Variants in IGSF9 observed in about 807,000 individuals in gnomAD.
IGSF9 encodes immunoglobulin superfamily member 9.
A neutral mutation model predicts 121.7 loss-of-function variants in IGSF9; 87 were observed. That is an observed-to-expected ratio of 0.71 (90% CI 0.60 to 0.85). IGSF9 has a LOEUF of 0.85. Ranked by LOEUF, IGSF9 falls within the 40% of genes least tolerant of loss-of-function variation. The probability of loss-of-function intolerance (pLI) is 0.00; values close to 1 mark genes in which losing one functional copy is unlikely to be tolerated. For missense variants in IGSF9, 1,462 were observed against 1,565.3 expected (o/e 0.93, Z 1.11); for synonymous variants, 640 against 648.4 (o/e 0.99, Z 0.20).
chr1:159,936,318 T>G (rs1346888762), intron 6 of IGSF9, 81 bp downstream of exon 6: 9 of 1,250,210 alleles, frequency 7.2e-6, no homozygotes, highest in Non-Finnish European at 9.3e-6. Context: ...CCCTCCTATC[T>G]TGCTGTGAAC....
intron 3 of IGSF9, among the ~76,000 whole-genome samples, chr1:159,939,304 T>G (rs1032234887): frequency 2.0e-5 from 3 of 152,194 alleles, no homozygotes; most frequent in African/African-American, 7.2e-5. Flanking sequence ...TGTAGCTCAC[T>G]GCAGCCTCGA....
At position 159,929,375 on chromosome 1, in the gene IGSF9, G is replaced by A; in HGVS notation, c.2345C>T (p.Ser782Phe). 1 of 1,614,182 alleles carries A rather than the reference G, an allele frequency of 6.2e-7. No individual in the cohort carries two copies. The highest frequency in any genetic ancestry group is 8.5e-7 in the Non-Finnish European group (1 of 1,180,024). Residue 782 changes from serine (S) to phenylalanine (F), a missense_variant, in exon 18 of 21, where the codon TCT becomes TTT. Around this residue, in one of 3 missense-constraint regions of IGSF9, gnomAD observed 808 missense variants for 815.2 expected, o/e 0.99. Coordinates refer to ENST00000368094, the MANE Select transcript of IGSF9 (RefSeq NM_001135050.2). ...RLRQDPPLIF[S>F]PTGKSAAPSA... ...CGGTGCAGCTGACTTCCCGGTCGGAGAGAAGATAAGAGGTGGATCTGGAAG... is the reference window on the plus strand; with the variant it reads ...CGGTGCAGCTGACTTCCCGGTCGGAAAGAAGATAAGAGGTGGATCTGGAAG...
Position 159,936,251 on chromosome 1 carries a change from C to T in IGSF9, c.673+148G>A, listed in dbSNP as rs114747610. ...AATTAAGGTGCTGGTTTCAGAGCAA[C>T]AGCCTGCATTGGGAACCCCCTTAGC... On this transcript the variant is annotated intron_variant, in intron 6 of 20. Coordinates refer to ENST00000368094, the MANE Select transcript of IGSF9 (RefSeq NM_001135050.2). The T allele has an allele frequency of 7.5e-3, 5,101 of 684,348 alleles. 169 individuals carry two copies. In the African/African-American group the frequency reaches 0.077, roughly 10 times the overall value. 42.4% of individuals were successfully genotyped at this position (684,348 alleles called of 1,614,324 possible).
At position 159,927,325 on chromosome 1, in the gene IGSF9, C is replaced by G. The variant is rs1462316008; in HGVS notation, c.*20G>C. On this transcript the variant is annotated 3_prime_UTR_variant, in exon 21 of 21. Transcript: ENST00000368094. ...CTTTGCAGGTCCATATGCCTTTTCA[C>G]AGCCTCACATCAGGGATGTTCACAG... The G allele has an allele frequency of 6.2e-7, 1 of 1,612,800 alleles. No homozygotes were observed.
In IGSF9 at chr1:159,929,652, T is replaced by TTGCGGCGGCGGCGGGCAGCCC. The variant is rs1247396585; in HGVS notation, c.2291_2311dup (p.Arg764_Arg770dup). The TTGCGGCGGCGGCGGGCAGCCC allele has an allele frequency of 6.3e-7, 1 of 1,594,414 alleles. No individual in the cohort carries two copies. Among genetic ancestry groups the TTGCGGCGGCGGCGGGCAGCCC allele is most frequent in the Non-Finnish European group, 8.5e-7 (1 of 1,172,188 alleles). ...GAGGGACTTACCTTGGCGGAGGCGCTTGCGGCGGCGGCGGGCAGCCCTGCG... is the reference window on the plus strand; with the variant it reads ...GAGGGACTTACCTTGGCGGAGGCGCTTGCGGCGGCGGCGGGCAGCCCTGCGGCGGCGGCGGGCAGCCCTGCG... On this transcript the variant is annotated inframe_insertion, in exon 17 of 21. Coordinates refer to ENST00000368094, the MANE Select transcript of IGSF9 (RefSeq NM_001135050.2).
chr1:159,927,278 G>A lies in IGSF9; in HGVS notation c.*67C>T. On this transcript the variant is annotated 3_prime_UTR_variant, in exon 21 of 21. Coordinates refer to ENST00000368094, the MANE Select transcript of IGSF9 (RefSeq NM_001135050.2). The stretch of plus-strand genomic sequence containing the variant: ...GGGGCAGTGCCCTCGTTTGAAACTA[G>A]GTCTGTCTGGTTGGGGGCCTCCTTT... 6.3e-7 allele frequency: 1 copy of A among 1,589,150 alleles called. No individual in the cohort carries two copies. The highest frequency in any genetic ancestry group is 8.6e-7 in the Non-Finnish European group (1 of 1,160,240).
chr1:159,929,419 G>GAC (rs781260462), intron 17 of IGSF9, 26 bp from the exon 18 acceptor site: 2 of 1,612,640 alleles, frequency 1.2e-6, no homozygotes, highest in African/African-American at 2.7e-5. Flanking sequence ...AATAGTAGGT[G>GAC]ACACAGGCAA....
rs750041441 is a variant in IGSF9 at position 159,928,859 on chromosome 1, C to T, written c.2529G>A (p.Glu843=). 9 of 1,582,852 alleles carry T rather than the reference C, an allele frequency of 5.7e-6. No homozygotes were observed. ...GCCCGTCTGGGCCCCGGCAAATGGG[C>T]TCCAGAGGTAAGGGTCCCCGGCTAG... ...PPSSRGPLPL[E]PICRGPDGRF... Residue 843 remains glutamate, a synonymous_variant, in exon 19 of 21, where the codon GAG becomes GAA. Coordinates refer to ENST00000368094, the MANE Select transcript of IGSF9 (RefSeq NM_001135050.2).
Position 159,927,132 on chromosome 1 carries a change from G to GAGAGAGAGAGAGT in IGSF9, c.*212_*213insACTCTCTCTCTCT. On this transcript the variant is annotated 3_prime_UTR_variant, in exon 21 of 21. Coordinates refer to ENST00000368094, the MANE Select transcript of IGSF9 (RefSeq NM_001135050.2). Reference sequence around the variant, plus strand: ...GAGAGAGAGAGAGAGAGAGAGAGAGGCAGACCTAAGATCCCTGTTCCAATC... The same window carrying GAGAGAGAGAGAGT: ...GAGAGAGAGAGAGAGAGAGAGAGAGGAGAGAGAGAGAGTCAGACCTAAGATCCCTGTTCCAATC... 7.3e-6 allele frequency: 3 copies of GAGAGAGAGAGAGT among 408,768 alleles called. No individual in the cohort carries two copies. Among genetic ancestry groups the GAGAGAGAGAGAGT allele is most frequent in the Non-Finnish European group, 8.4e-6 (2 of 238,712 alleles). 25.3% of individuals were successfully genotyped at this position (408,768 alleles called of 1,614,324 possible).
rs1052787679 is a variant in IGSF9 at position 159,929,722 on chromosome 1, C to T, written c.2242G>A (p.Val748Met). The stretch of plus-strand genomic sequence containing the variant: ...GCCAGGATGCTCACAAGGACGGCCA[C>T]TCCCAGAAAGCAGACTCCGCCCACC... ...GVVGGVCFLG[V>M]AVLVSILAGC... The change falls in exon 17 of 21, where the codon GTG becomes ATG. Residue 748 changes from valine to methionine, a missense_variant. By Grantham distance (21) the Val-to-Met change is conservative. This residue lies in a region of IGSF9 where 808 missense variants were observed against 815.2 expected (regional missense o/e 0.99). Coordinates refer to ENST00000368094, the MANE Select transcript of IGSF9 (RefSeq NM_001135050.2). The T allele has an allele frequency of 1.9e-6, 3 of 1,602,318 alleles. No homozygotes were observed. The highest frequency in any genetic ancestry group is 1.3e-5 in the African/African-American group (1 of 74,810).
chr1:159,931,533 TTGGTCAA>T lies in IGSF9; in HGVS notation c.1426_1432del (p.Leu476ArgfsTer93). 1 of 1,614,174 alleles carries T rather than the reference TTGGTCAA, an allele frequency of 6.2e-7. No homozygotes were observed. On this transcript the variant is annotated frameshift_variant, in exon 12 of 21. Coordinates refer to ENST00000368094, the MANE Select transcript of IGSF9 (RefSeq NM_001135050.2). LOFTEE classifies it high-confidence loss of function. This position sits in a 1 kb window ranked among gnomAD's most constrained non-coding sequence, Gnocchi z 4.8. Reference sequence around the variant, plus strand: ...GCATTCCCAGTGCCCGTGGGCCTCCTTGGTCAATGGTCGCAGGATGAGGCTGCTGTTG... The same window carrying T: ...GCATTCCCAGTGCCCGTGGGCCTCCTTGGTCGCAGGATGAGGCTGCTGTTG...
rs770227804 is a variant in IGSF9 at position 159,927,368 on chromosome 1, G to A, written c.3517C>T (p.Pro1173Ser). 1.2e-6 allele frequency: 2 copies of A among 1,613,882 alleles called. No individual in the cohort carries two copies. Among genetic ancestry groups the A allele is most frequent in the South Asian group, 2.2e-5 (2 of 91,066 alleles). Residue 1173 changes from proline (P) to serine (S), a missense_variant, in exon 21 of 21, where the codon CCC (proline) becomes TCC (serine). Coordinates refer to ENST00000368094, the MANE Select transcript of IGSF9 (RefSeq NM_001135050.2). ...LPAYRQPVPH[P>S]EQATLL Reference sequence around the variant, plus strand: ...GTTCACAGCAGAGTGGCCTGTTCGGGGTGGGGGACTGGCTGTCGATAGGCT... The same window carrying A: ...GTTCACAGCAGAGTGGCCTGTTCGGAGTGGGGGACTGGCTGTCGATAGGCT...
chr1:159,931,622 G>A lies in IGSF9; in HGVS notation c.1363-19C>T, dbSNP rs762689914. 3.1e-6 allele frequency: 5 copies of A among 1,610,902 alleles called. No homozygotes were observed. Among genetic ancestry groups the A allele is most frequent in the Non-Finnish European group, 4.2e-6 (5 of 1,178,158 alleles). On this transcript the variant is annotated intron_variant, in intron 11 of 20. Coordinates refer to ENST00000368094, the MANE Select transcript of IGSF9 (RefSeq NM_001135050.2). The surrounding 1 kb of genome is among the most constrained non-coding windows in gnomAD (Gnocchi z 4.8). ...GGCCCACCTACAGAACCACTGGTGA[G>A]CCCTGAGGACACACGCAGCCACCCC...
Position 159,936,386 on chromosome 1 carries a change from C to T in IGSF9, c.673+13G>A, listed in dbSNP as rs1191008921. On this transcript the variant is annotated intron_variant, in intron 6 of 20. Coordinates refer to ENST00000368094, the MANE Select transcript of IGSF9 (RefSeq NM_001135050.2). ...AGGTAACCCTGGACCCCAGCCCTCCCGCCAGAGAGCACCTAGCACTAGCAG... is the reference window on the plus strand; with the variant it reads ...AGGTAACCCTGGACCCCAGCCCTCCTGCCAGAGAGCACCTAGCACTAGCAG... The T allele has an allele frequency of 6.2e-7, 1 of 1,610,442 alleles. No homozygotes were observed.
In IGSF9 at chr1:159,930,335, G is replaced by A. The variant is rs970292325; in HGVS notation, c.1918C>T (p.Leu640Phe). The change falls in exon 15 of 21, where the codon CTC becomes TTC. Residue 640 changes from leucine to phenylalanine, a missense_variant. This residue lies in a region of IGSF9 where 808 missense variants were observed against 815.2 expected (regional missense o/e 0.99). Coordinates refer to ENST00000368094, the MANE Select transcript of IGSF9 (RefSeq NM_001135050.2). ...AGCTCTGGGGGATCCCAATGCAGGAGTACCCCCCGGGGTGTCCTCACTGCC... is the reference window on the plus strand; with the variant it reads ...AGCTCTGGGGGATCCCAATGCAGGAATACCCCCCGGGGTGTCCTCACTGCC... The part of the protein sequence containing the change: ...LVAVRTPRGV[L>F]LHWDPPELVP... 1.9e-6 allele frequency: 3 copies of A among 1,612,276 alleles called. No individual in the cohort carries two copies. The highest frequency in any genetic ancestry group is 1.7e-5 in the Admixed American group (1 of 59,792).
At position 159,931,937 on chromosome 1, in the gene IGSF9, C is replaced by T; in HGVS notation, c.1246-9G>A. ...ATAAAAGCTGGGGGAGCCTGCAAGC[C>T]AGATCTGGCATTGGGAGGGGCCCTC... On this transcript the variant is annotated splice_polypyrimidine_tract_variant and intron_variant, in intron 10 of 20. Coordinates refer to ENST00000368094, the MANE Select transcript of IGSF9 (RefSeq NM_001135050.2). The surrounding 1 kb of genome is among the most constrained non-coding windows in gnomAD (Gnocchi z 4.8). 1 of 1,560,454 alleles carries T rather than the reference C, an allele frequency of 6.4e-7. No individual in the cohort carries two copies.
chr1:159,928,946 C>A lies in IGSF9; in HGVS notation c.2442G>T (p.Leu814=). ...GATCCCCCCAGAGCAGACTCTGGCG[C>A]AGGCTGGGGACTGGGGATCCCTGGA... is the stretch of plus-strand genomic sequence containing the variant. ...LKLQGSPVPS[L]RQSLLWGDPA... The change falls in exon 19 of 21, where the codon CTG becomes CTT. Residue 814 remains leucine (L), a synonymous_variant. Transcript: ENST00000368094. 1 of 1,544,416 alleles carries A rather than the reference C, an allele frequency of 6.5e-7. No individual in the cohort carries two copies. The highest frequency in any genetic ancestry group is 1.3e-5 in the South Asian group (1 of 79,636).
At position 159,932,807 on chromosome 1, in the gene IGSF9, TG is replaced by T; in HGVS notation, c.1105-156del. 3 of 693,930 alleles carry T rather than the reference TG, an allele frequency of 4.3e-6. No homozygotes were observed. The Admixed American group carries it at 9.7e-5, about 22-fold the overall frequency. 43.0% of individuals were successfully genotyped at this position (693,930 alleles called of 1,614,324 possible). On this transcript the variant is annotated intron_variant, in intron 9 of 20. Coordinates refer to ENST00000368094, the MANE Select transcript of IGSF9 (RefSeq NM_001135050.2). The surrounding 1 kb of genome is among the most constrained non-coding windows in gnomAD (Gnocchi z 4.1). ...GGCCTGACCCCTCTCTGATTTCCAG[TG>T]CTTCCTTTCCTTCCTGCAGAGGGAC...
At position 159,931,308 on chromosome 1, in the gene IGSF9, G is replaced by A. The variant is rs1255772736; in HGVS notation, c.1514-47C>T. 5 of 1,612,030 alleles carry A rather than the reference G, an allele frequency of 3.1e-6. No individual in the cohort carries two copies. Among genetic ancestry groups the A allele is most frequent in the Non-Finnish European group, 4.2e-6 (5 of 1,178,674 alleles). On this transcript the variant is annotated intron_variant, in intron 12 of 20. Transcript: ENST00000368094. The surrounding 1 kb of genome is among the most constrained non-coding windows in gnomAD (Gnocchi z 4.8). ...GATGGTGGTCAGGGCCTGAGGGAGTGTACAGAGTAGCAGGGGCCCCAGGGC... is the reference window on the plus strand; with the variant it reads ...GATGGTGGTCAGGGCCTGAGGGAGTATACAGAGTAGCAGGGGCCCCAGGGC...
Sources: gnomAD v4.1 joint callset for allele counts (sites outside exome capture counted in the v4.1 genomes callset) on GRCh38, gnomAD v4.1.1 for gene constraint, gnomAD v4.1.1 regional missense constraint, Gnocchi (gnomAD v3.1) non-coding constraint, MANE v1.5 for transcripts, NCBI Gene and HGNC (gene_info 2026-07-23, HGNC 2026-07-21) for gene names.